FNDC3A: variants seen among roughly 807,000 people sequenced by gnomAD.
FNDC3A encodes fibronectin type III domain containing 3A.
In FNDC3A, 32 loss-of-function variants were observed where a neutral mutation model predicts 148.9. The observed-to-expected ratio is 0.21, with a 90% CI of 0.16 to 0.29. FNDC3A has a LOEUF of 0.29. FNDC3A is among the 10% of genes least tolerant of loss of function. The probability of loss-of-function intolerance (pLI) is 1.00; values close to 1 mark genes in which losing one functional copy is unlikely to be tolerated. For synonymous variants in FNDC3A, 472 were observed against 473.6 expected, an observed-to-expected ratio of 1.00 and a Z score of 0.04; for missense variants, 1,191 against 1,452.8, an observed-to-expected ratio of 0.82 and a Z score of 2.93.
chr13:49,171,293 G>GT (rs1884741495), intron 10 of FNDC3A, among the ~76,000 whole-genome samples: 1 of 152,136 alleles, frequency 6.6e-6, no homozygotes, highest in African/African-American at 2.4e-5. Context: ...ACTGGATAGA[G>GT]TCCAAAAAAC....
At chr13:49,026,154 C>G (rs1031817084) in intron 2 of FNDC3A, among the ~76,000 whole-genome samples, 1 of 151,966 alleles carries the variant, frequency 6.6e-6, no homozygotes, top group Non-Finnish European at 1.5e-5. Context: ...AGTAAAATAG[C>G]AGGTTAGGGA....
intron 2 of FNDC3A, among the ~76,000 whole-genome samples, chr13:49,070,815 C>G (rs1032978774): frequency 6.6e-6 from 1 of 151,814 alleles, no homozygotes. Flanking sequence ...TGTTTCTATG[C>G]CTAGCTTATT....
At chr13:48,993,759 G>A (rs1593447272) in intron 1 of FNDC3A, among the ~76,000 whole-genome samples, 1 of 152,210 alleles carries the variant, frequency 6.6e-6, no homozygotes, top group East Asian at 1.9e-4. Context: ...CAAGTATATG[G>A]GTGTTTGCTG....
chr13:49,097,474 A>G (rs1211277535), intron 3 of FNDC3A, among the ~76,000 whole-genome samples: 1 of 152,140 alleles, frequency 6.6e-6, no homozygotes, highest in East Asian at 1.9e-4. Context: ...ATGTTAGTCT[A>G]TGTCAGAGTA....
At chr13:49,206,864 A>G (rs1296222187) in intron 25 of FNDC3A, among the ~76,000 whole-genome samples, 2 of 152,216 alleles carry the variant, frequency 1.3e-5, no homozygotes, top group African/African-American at 4.8e-5. Context: ...TGTGAACCGT[A>G]TAAGGGTAGA....
chr13:49,164,359 C>A (rs1566298588), intron 8 of FNDC3A, among the ~76,000 whole-genome samples: 1 of 152,096 alleles, frequency 6.6e-6, no homozygotes, highest in African/African-American at 2.4e-5. Flanking sequence ...TAATTTCATG[C>A]AGAAGACCTT....
At chr13:49,091,116 T>TA (rs1047000189) in intron 3 of FNDC3A, among the ~76,000 whole-genome samples, 3 of 151,652 alleles carry the variant, frequency 2.0e-5, no homozygotes, top group African/African-American at 7.3e-5. Flanking sequence ...TCTACAACAA[T>TA]AAAAAAATCA....
intron 3 of FNDC3A, among the ~76,000 whole-genome samples, chr13:49,093,371 GGAGA>G (rs1021975135): frequency 7.9e-5 from 12 of 152,228 alleles, no homozygotes; most frequent in East Asian, 1.9e-4. Context: ...ATGAAAAAAG[GGAGA>G]GAAAGTGACT....
chr13:49,081,111 A>T (rs1335454610), intron 3 of FNDC3A, among the ~76,000 whole-genome samples: 1 of 152,206 alleles, frequency 6.6e-6, no homozygotes, highest in East Asian at 1.9e-4. Context: ...AGTTGTAGCT[A>T]AAAACCCTCC....
intron 1 of FNDC3A, among the ~76,000 whole-genome samples, chr13:48,997,674 T>C (rs761152174): frequency 1.3e-5 from 2 of 152,114 alleles, no homozygotes; most frequent in Non-Finnish European, 2.9e-5. Flanking sequence ...AAGCCAACCA[T>C]GCTAGCACCC....
At chr13:49,063,232 A>AT (rs1262930916) in intron 2 of FNDC3A, among the ~76,000 whole-genome samples, 1 of 152,238 alleles carries the variant, frequency 6.6e-6, no homozygotes, top group Non-Finnish European at 1.5e-5. Flanking sequence ...GTTTCCTAAC[A>AT]TTAAAGCCAA....
At chr13:49,002,139 C>T (rs374704836) in intron 1 of FNDC3A, among the ~76,000 whole-genome samples, 1 of 152,168 alleles carries the variant, frequency 6.6e-6, no homozygotes, top group South Asian at 2.1e-4. Context: ...CAGGTTCCCC[C>T]AGTATCTTTT....
chr13:49,093,103 A>G (rs1879293415), intron 3 of FNDC3A, among the ~76,000 whole-genome samples: 2 of 152,178 alleles, frequency 1.3e-5, no homozygotes, highest in African/African-American at 4.8e-5. Context: ...TGGGGAGTTT[A>G]AACATACAGT....
chr13:49,094,496 A>G (rs563346206), intron 3 of FNDC3A, among the ~76,000 whole-genome samples: 1 of 152,240 alleles, frequency 6.6e-6, no homozygotes, highest in South Asian at 2.1e-4. Flanking sequence ...TTGAATCTAG[A>G]TTAGAATATG....
intron 17 of FNDC3A, among the ~76,000 whole-genome samples, chr13:49,189,547 GT>G (rs201650054): frequency 1.9e-4 from 28 of 148,148 alleles, no homozygotes; most frequent in South Asian, 2.1e-4. Context: ...TAATTGCTGG[GT>G]TTTTTTTTTG....
At chr13:49,039,796 C>G in intron 2 of FNDC3A, among the ~76,000 whole-genome samples, 1 of 152,134 alleles carries the variant, frequency 6.6e-6, no homozygotes, top group East Asian at 1.9e-4. Context: ...CTCACTGCAA[C>G]CTTCGCCTCC....
chr13:49,140,067 T>C (rs1044358444), intron 7 of FNDC3A, among the ~76,000 whole-genome samples: 1 of 152,340 alleles, frequency 6.6e-6, no homozygotes, highest in East Asian at 1.9e-4. Context: ...CCAGGTGCAG[T>C]GGCTCACACT....
intron 4 of FNDC3A, among the ~76,000 whole-genome samples, chr13:49,118,385 C>G (rs1272446387): frequency 6.6e-6 from 1 of 152,176 alleles, no homozygotes; most frequent in African/African-American, 2.4e-5. Flanking sequence ...CCTTCGGTGC[C>G]TATACCACCA....
intron 3 of FNDC3A, among the ~76,000 whole-genome samples, chr13:49,111,447 C>T (rs189238685): frequency 1.3e-5 from 2 of 152,064 alleles, no homozygotes; most frequent in Admixed American, 6.5e-5. Context: ...AAAATCTGGC[C>T]GGGCATGGTG....
Sources: allele counts gnomAD v4.1 joint callset (sites outside exome capture counted in the v4.1 genomes callset), GRCh38; gene constraint gnomAD v4.1.1; transcripts MANE v1.5; gene names NCBI Gene and HGNC (gene_info 2026-07-23, HGNC 2026-07-21).